EML1: variants seen among roughly 807,000 people sequenced by gnomAD.
The protein encoded by EML1 is echinoderm microtubule-associated protein-like 1.
A neutral mutation model predicts 110.4 loss-of-function variants in EML1; 27 were observed. The observed-to-expected ratio is 0.24, with a 90% CI of 0.18 to 0.34. The LOEUF (loss-of-function observed/expected upper bound fraction) is 0.34, where lower values mean the gene tolerates loss of function less well. EML1 is among the 10% of genes least tolerant of loss of function. The probability of loss-of-function intolerance (pLI) is 1.00; values close to 1 mark genes in which losing one functional copy is unlikely to be tolerated. For missense variants in EML1, 741 were observed against 1,030.9 expected (o/e 0.72, Z 3.85); for synonymous variants, 344 against 385.8 (o/e 0.89, Z 1.27).
chr14:99,814,283 T>C (rs1300420820), intron 1 of EML1, among the ~76,000 whole-genome samples: 5 of 152,230 alleles, frequency 3.3e-5, no homozygotes, highest in Non-Finnish European at 7.3e-5. Context: ...TATTTAAATT[T>C]TTTTAGGGAC....
At chr14:99,839,088 CT>C (rs11345808) in intron 1 of EML1, 103,272 of 151,878 alleles carry the variant, frequency 0.68, 35,207 homozygotes, top group Non-Finnish European at 0.7. Context: ...AGCAAATTCC[CT>C]TAAATACTCA....
At chr14:99,761,435 G>A (rs2057312648) in intron 1 of EML1, among the ~76,000 whole-genome samples, 1 of 152,148 alleles carries the variant, frequency 6.6e-6, no homozygotes, top group African/African-American at 2.4e-5. Context: ...CACAGACCAG[G>A]GTTGCTCACT....
At position 99,767,460 on chromosome 14, in the gene EML1, G is replaced by A. The variant is rs139082867; in HGVS notation, c.28+29600G>A. Among the ~76,000 whole-genome samples, 1,492 of 152,298 alleles carry A rather than the reference G, an allele frequency of 9.8e-3. 29 individuals are homozygous for A. The highest frequency in any genetic ancestry group is 0.034 in the African/African-American group (1,403 of 41,548). On this transcript the variant is annotated intron_variant, in intron 1 of 10. Transcript: ENST00000554479. ...CTACTAAAAATACAAAAATTAGCTG[G>A]GTGTGGTGGCACGCACCTGTAGGCC... is the stretch of plus-strand genomic sequence containing the variant.
At chr14:99,840,154 A>G (rs919017158) in intron 1 of EML1, among the ~76,000 whole-genome samples, 1 of 152,260 alleles carries the variant, frequency 6.6e-6, no homozygotes, top group African/African-American at 2.4e-5. Context: ...TTTATCTGCA[A>G]ATTATTGAGC....
At chr14:99,877,765 G>T (rs922237108) in intron 3 of EML1, among the ~76,000 whole-genome samples, 2 of 152,182 alleles carry the variant, frequency 1.3e-5, no homozygotes, top group Non-Finnish European at 2.9e-5. Flanking sequence ...TCTGGGGCCA[G>T]GTGCTACTTT....
chr14:99,906,478 T>C (rs949435181), intron 9 of EML1, among the ~76,000 whole-genome samples: 5 of 152,170 alleles, frequency 3.3e-5, no homozygotes, highest in Non-Finnish European at 7.4e-5. Context: ...ATGTATAAAC[T>C]GTCATGGTGC....
intron 1 of EML1, among the ~76,000 whole-genome samples, chr14:99,796,411 T>G (rs904123517): frequency 4.6e-5 from 7 of 152,168 alleles, no homozygotes; most frequent in African/African-American, 1.7e-4. Context: ...AGGAACTGTC[T>G]TTCTCATTTA....
At position 99,802,391 on chromosome 14, in the gene EML1, G is replaced by C. The variant is rs183735298; in HGVS notation, c.67+8848G>C. Among the ~76,000 whole-genome samples, 553 of 152,248 alleles carry C rather than the reference G, an allele frequency of 3.6e-3. 8 individuals are homozygous for C. Among genetic ancestry groups the C allele is most frequent in the African/African-American group, 0.013 (537 of 41,526 alleles). Reference sequence around the variant, plus strand: ...GTTTTAAAAGATCACTCTGCTTCCAGGGGGAGGGCAGGTGGGAAGGGCAGT... The same window carrying C: ...GTTTTAAAAGATCACTCTGCTTCCACGGGGAGGGCAGGTGGGAAGGGCAGT... On this transcript the variant is annotated intron_variant, in intron 1 of 21. Transcript: ENST00000262233.
chr14:99,912,312 C>G (rs2059960132), intron 13 of EML1, among the ~76,000 whole-genome samples: 1 of 152,152 alleles, frequency 6.6e-6, no homozygotes, highest in Non-Finnish European at 1.5e-5. Flanking sequence ...GCTGTGACTC[C>G]TTTTGATACC....
At chr14:99,868,196 T>C (rs1164727334) in intron 3 of EML1, among the ~76,000 whole-genome samples, 1 of 152,232 alleles carries the variant, frequency 6.6e-6, no homozygotes, top group Non-Finnish European at 1.5e-5. Context: ...ATCCATTTAA[T>C]GTGCTGTTGT....
At chr14:99,845,826 G>A (rs753451333) in intron 1 of EML1, among the ~76,000 whole-genome samples, 1 of 152,004 alleles carries the variant, frequency 6.6e-6, no homozygotes, top group Non-Finnish European at 1.5e-5. Flanking sequence ...CGAGGTGGTT[G>A]GATCACCTGA....
chr14:99,833,187 T>C (rs570884382), intron 1 of EML1, among the ~76,000 whole-genome samples: 4 of 152,232 alleles, frequency 2.6e-5, no homozygotes, highest in Non-Finnish European at 5.9e-5. Context: ...TTGCATATGG[T>C]GCAATGTATG....
chr14:99,828,239 A>G (rs2058392900), intron 1 of EML1, among the ~76,000 whole-genome samples: 1 of 152,268 alleles, frequency 6.6e-6, no homozygotes, highest in African/African-American at 2.4e-5. Context: ...CAGTCTGAGG[A>G]TATTAAATGG....
chr14:99,792,298 A>G (rs538800975), upstream of EML1, among the ~76,000 whole-genome samples: 1 of 152,280 alleles, frequency 6.6e-6, no homozygotes, highest in East Asian at 1.9e-4. Context: ...ACCATTTCAG[A>G]TTTTGGCATG....
intron 3 of EML1, 127 bp downstream of exon 3, chr14:99,865,773 C>A: frequency 1.7e-6 from 2 of 1,176,254 alleles, no homozygotes; most frequent in Non-Finnish European, 2.3e-6. Flanking sequence ...AAAAGTCCAA[C>A]ATTTTATATG....
Position 99,914,602 on chromosome 14 carries a change from G to A in EML1, c.1657G>A (p.Ala553Thr), listed in dbSNP as rs1451167175. 1.2e-6 allele frequency: 2 copies of A among 1,609,840 alleles called. No individual in the cohort carries two copies. The highest frequency in any genetic ancestry group is 1.1e-5 in the South Asian group (1 of 90,006). The change falls in exon 15 of 22, where the codon GCC becomes ACC. Residue 553 changes from alanine (A) to threonine (T), a missense_variant. Around this residue, in one of 4 missense-constraint regions of EML1, gnomAD observed 388 missense variants for 605.6 expected, o/e 0.64. Transcript: ENST00000262233. ...TGAGCTCTGGGGACTGGCCATCCAT[G>A]CCTCAAAATCTCAGTTCTTGACCTG... is the stretch of plus-strand genomic sequence containing the variant. ...TDELWGLAIH[A>T]SKSQFLTCGH...
chr14:99,822,819 C>T (rs2058286490), intron 1 of EML1, among the ~76,000 whole-genome samples: 1 of 152,192 alleles, frequency 6.6e-6, no homozygotes, highest in Non-Finnish European at 1.5e-5. Context: ...GCCAAAGCCA[C>T]ACTCCTCCTT....
chr14:99,746,916 C>T (rs1190002560), intron 1 of EML1, among the ~76,000 whole-genome samples: 1 of 152,172 alleles, frequency 6.6e-6, no homozygotes, highest in Non-Finnish European at 1.5e-5. Flanking sequence ...GCATCTGCCG[C>T]GCCCTGCCCT....
chr14:99,918,944 C>T (rs1468795122), intron 16 of EML1, among the ~76,000 whole-genome samples: 9 of 152,186 alleles, frequency 5.9e-5, no homozygotes, highest in African/African-American at 1.7e-4. Context: ...TCCTACACAC[C>T]GGATGGTGGG....
Sources: allele counts gnomAD v4.1 joint callset (sites outside exome capture counted in the v4.1 genomes callset), GRCh38; gene constraint gnomAD v4.1.1; regional missense constraint gnomAD v4.1.1; transcripts MANE v1.5; gene names NCBI Gene and HGNC (gene_info 2026-07-23, HGNC 2026-07-21).